The following CCDC77 variants were observed in gnomAD, a reference collection of about 807,000 sequenced individuals.
CCDC77 encodes coiled-coil domain-containing protein 77.
A neutral mutation model predicts 66.8 loss-of-function variants in CCDC77; 56 were observed. The observed-to-expected ratio is 0.84, with a 90% CI of 0.68 to 1.05. The LOEUF is 1.05. CCDC77 is among the 50% of genes least tolerant of loss of function. The pLI is 0.00. For missense variants in CCDC77, 570 were observed against 576.8 expected, an observed-to-expected ratio of 0.99 and a Z score of 0.12; for synonymous variants, 196 against 195.2, an observed-to-expected ratio of 1.00 and a Z score of -0.03.
chr12:431,010 G>A (rs1303683574), intron 7 of CCDC77, among the ~76,000 whole-genome samples: 1 of 150,544 alleles, frequency 6.6e-6, no homozygotes, highest in Non-Finnish European at 1.5e-5. Context: ...AACCTGGGAG[G>A]CGGAGGTTGC....
chr12:415,454 A>G (rs1254158706), intron 4 of CCDC77, among the ~76,000 whole-genome samples: 2 of 144,552 alleles, frequency 1.4e-5, no homozygotes, highest in African/African-American at 5.0e-5. Flanking sequence ...GTTAATATTA[A>G]CATAATTATT....
rs57308009 is a variant in CCDC77 at position 389,571 on chromosome 12, C to CGAGGTGGGGCGAGGCGGGGCGAGGCGG, written c.-113+85_-113+86insGAGGTGGGGCGAGGCGGGGCGAGGCGG. ...CGACGGGGCGAGGCGGGGCGAGGCG[C>CGAGGTGGGGCGAGGCGGGGCGAGGCGG]AACGAGGCGGGGCGAGGCGCGACGC... is the stretch of plus-strand genomic sequence containing the variant. On this transcript the variant is annotated intron_variant, in intron 1 of 11. Transcript: ENST00000422000. 4 of 224,044 alleles carry CGAGGTGGGGCGAGGCGGGGCGAGGCGG rather than the reference C, an allele frequency of 1.8e-5. No homozygotes were observed. The South Asian group carries it at 2.1e-4, about 12-fold the overall frequency. The allele number at this position is 224,044 out of a possible 1,614,324, so 13.9% of individuals were successfully genotyped here.
intron 3 of CCDC77, 44 bp downstream of exon 3, chr12:409,465 T>G (rs373007056): frequency 2.4e-5 from 37 of 1,536,238 alleles, no homozygotes; most frequent in Non-Finnish European, 2.9e-5. Context: ...AATCGAGACT[T>G]GTATAGCCTT....
Position 428,881 on chromosome 12 carries a change from T to C in CCDC77, c.510+16T>C, listed in dbSNP as rs1298012731. 2 of 1,517,566 alleles carry C rather than the reference T, an allele frequency of 1.3e-6. No homozygotes were observed. The highest frequency in any genetic ancestry group is 1.8e-6 in the Non-Finnish European group (2 of 1,096,912). 94.0% of individuals were successfully genotyped at this position (1,517,566 alleles called of 1,614,324 possible). ...TCCTCACAAAGTAAGTAATCTTTGGTGTAGCATGGTGAGTGTGGCTTTACA... is the reference window on the plus strand; with the variant it reads ...TCCTCACAAAGTAAGTAATCTTTGGCGTAGCATGGTGAGTGTGGCTTTACA... On this transcript the variant is annotated intron_variant, in intron 6 of 12. Transcript: ENST00000239830.
intron 2 of CCDC77, among the ~76,000 whole-genome samples, chr12:408,080 C>T (rs1265614204): frequency 6.6e-6 from 1 of 152,160 alleles, no homozygotes; most frequent in Non-Finnish European, 1.5e-5. Context: ...AGCCACCGCA[C>T]CCGGCCACAG....
intron 5 of CCDC77, 21 bp downstream of exon 5, chr12:418,657 A>G: frequency 1.2e-6 from 2 of 1,605,356 alleles, no homozygotes; most frequent in South Asian, 1.1e-5. Flanking sequence ...GGAGAAGGGA[A>G]ATGTTGGAGT....
intron 1 of CCDC77, among the ~76,000 whole-genome samples, chr12:390,530 G>A (rs975141108): frequency 6.6e-6 from 1 of 152,124 alleles, no homozygotes; most frequent in Non-Finnish European, 1.5e-5. Flanking sequence ...ATGTGAGTAG[G>A]CCTTATCCAA....
chr12:416,170 G>C (rs1216739449), intron 4 of CCDC77, among the ~76,000 whole-genome samples: 1 of 150,742 alleles, frequency 6.6e-6, no homozygotes, highest in African/African-American at 2.4e-5. Flanking sequence ...TGAACTCCTG[G>C]GCTCAAGCCA....
In CCDC77 at chr12:428,780, A is replaced by G; in HGVS notation, c.425A>G (p.Asp142Gly). 6.2e-7 allele frequency: 1 copy of G among 1,611,170 alleles called. No homozygotes were observed. Among genetic ancestry groups the G allele is most frequent in the Non-Finnish European group, 8.5e-7 (1 of 1,178,552 alleles). Residue 142 changes from aspartate (D) to glycine (G), a missense_variant, in exon 6 of 13, where the codon GAC becomes GGC. Coordinates refer to ENST00000239830, the MANE Select transcript of CCDC77 (RefSeq NM_032358.4). ...NDRLRIRELE[D>G]KKKIQNLLAL... is the part of the protein sequence containing the mutation. ...CATGAGAATTGCAGGGAGCTAGAAG[A>G]CAAGAAAAAGATTCAGAATCTCTTG... is the stretch of plus-strand genomic sequence containing the variant.
chr12:431,639 A>G (rs968375067), intron 7 of CCDC77, among the ~76,000 whole-genome samples: 1 of 152,228 alleles, frequency 6.6e-6, no homozygotes, highest in African/African-American at 2.4e-5. Context: ...ATGATTATTT[A>G]GGTGACATCC....
intron 1 of CCDC77, among the ~76,000 whole-genome samples, chr12:402,513 G>T (rs576892205): frequency 6.6e-6 from 1 of 152,304 alleles, no homozygotes; most frequent in East Asian, 1.9e-4. Flanking sequence ...CTAGAGGGAA[G>T]CTCATGAACA....
At chr12:389,505 G>A (rs1944705421) in intron 1 of CCDC77, 2 of 254,894 alleles carry the variant, frequency 7.8e-6, no homozygotes, top group Non-Finnish European at 1.6e-5. Context: ...TCGGGGAGGG[G>A]CACAAGCTCT....
At chr12:429,282 A>G (rs1945600641) in intron 6 of CCDC77, among the ~76,000 whole-genome samples, 1 of 152,172 alleles carries the variant, frequency 6.6e-6, no homozygotes, top group Non-Finnish European at 1.5e-5. Flanking sequence ...TACCCCAGAG[A>G]TAATCCATTA....
At chr12:418,056 T>G (rs1410086862) in intron 4 of CCDC77, among the ~76,000 whole-genome samples, 1 of 152,116 alleles carries the variant, frequency 6.6e-6, no homozygotes, top group Non-Finnish European at 1.5e-5. Flanking sequence ...TGGTGGCTCG[T>G]GCCTATAATC....
chr12:428,807 C>G lies in CCDC77; in HGVS notation c.452C>G (p.Ala151Gly), dbSNP rs751119759. The change falls in exon 6 of 13, where the codon GCT (alanine) becomes GGT (glycine). Residue 151 changes from alanine (A) to glycine (G), a missense_variant. By Grantham distance (60) the Ala-to-Gly change is moderately conservative (BLOSUM62 0). Coordinates refer to ENST00000239830, the MANE Select transcript of CCDC77 (RefSeq NM_032358.4). The stretch of plus-strand genomic sequence containing the variant: ...AAGAAAAAGATTCAGAATCTCTTGG[C>G]TCTTGTGGGAACAGATGCTGGAGAA... ...EDKKKIQNLLALVGTDAGEVT... is the reference protein window; with the variant it reads ...EDKKKIQNLLGLVGTDAGEVT... The G allele has an allele frequency of 3.0e-5, 49 of 1,612,654 alleles. No individual in the cohort carries two copies. The highest frequency in any genetic ancestry group is 4.2e-5 in the Non-Finnish European group (49 of 1,179,384).
chr12:432,047 T>G, intron 8 of CCDC77, 93 bp downstream of exon 8: 7 of 730,988 alleles, frequency 9.6e-6, no homozygotes, highest in Non-Finnish European at 1.7e-5. Flanking sequence ...AAGTATCTCC[T>G]TGCACACAGG....
At position 418,561 on chromosome 12, in the gene CCDC77, A is replaced by T; in HGVS notation, c.338A>T (p.Asp113Val). ...EIAELQKALS[D>V]MQVCLFQERE... ...GCTGAATTGCAGAAAGCTCTAAGTG[A>T]TATGCAGGTCTGCCTCTTCCAGGAA... Residue 113 changes from aspartate to valine, a missense_variant, in exon 5 of 13, where the codon GAT (aspartate) becomes GTT (valine). Asp to Val is a radical substitution (Grantham distance 152, BLOSUM62 -3). Coordinates refer to ENST00000239830, the MANE Select transcript of CCDC77 (RefSeq NM_032358.4). 1.2e-6 allele frequency: 2 copies of T among 1,613,840 alleles called. No homozygotes were observed. Among genetic ancestry groups the T allele is most frequent in the Non-Finnish European group, 1.7e-6 (2 of 1,179,718 alleles).
intron 5 of CCDC77, among the ~76,000 whole-genome samples, chr12:425,989 C>T (rs543659987): frequency 4.6e-5 from 7 of 152,262 alleles, no homozygotes; most frequent in African/African-American, 1.4e-4. Flanking sequence ...CTCAGCCTCC[C>T]GAGTAGCTGG....
In CCDC77 at chr12:395,550, G is replaced by GA. The variant is rs895274525; in HGVS notation, c.-113+6073dup. ...CCCAACCAACTACAGAAAATATTTGGAAAAAAAAACAATAAAAATAATAAT... is the reference window on the plus strand; with the variant it reads ...CCCAACCAACTACAGAAAATATTTGGAAAAAAAAAACAATAAAAATAATAAT... On this transcript the variant is annotated intron_variant, in intron 1 of 11. Transcript: ENST00000422000. Among the ~76,000 whole-genome samples, 26 of 147,650 alleles carry GA rather than the reference G, an allele frequency of 1.8e-4. No homozygotes were observed. In the East Asian group the frequency reaches 2.7e-3, roughly 16 times the overall value.
Sources: gnomAD v4.1 joint callset for allele counts (sites outside exome capture counted in the v4.1 genomes callset) on GRCh38, gnomAD v4.1.1 for gene constraint, MANE v1.5 for transcripts, NCBI Gene and HGNC (gene_info 2026-07-23, HGNC 2026-07-21) for gene names.